The following ANKIB1 variants were observed in gnomAD, a reference collection of about 807,000 sequenced individuals.
ANKIB1 encodes ankyrin repeat and IBR domain containing 1, also known as ankyrin repeat and IBR domain-containing protein 1.
A neutral mutation model predicts 122.1 loss-of-function variants in ANKIB1; 43 were observed. The ratio of observed to expected loss-of-function variants is 0.35; its 90% CI spans 0.28 to 0.45. ANKIB1 has a LOEUF of 0.45. ANKIB1 is among the 20% of genes least tolerant of loss of function. The pLI, the probability that ANKIB1 is intolerant of heterozygous loss-of-function variation, is 1.00. For synonymous variants in ANKIB1, 390 were observed against 442.0 expected, an observed-to-expected ratio of 0.88 and a Z score of 1.48; for missense variants, 992 against 1,329.5, an observed-to-expected ratio of 0.75 and a Z score of 3.95.
intron 1 of ANKIB1, among the ~76,000 whole-genome samples, chr7:92,257,320 C>G (rs1157771551): frequency 1.3e-5 from 2 of 151,934 alleles, no homozygotes; most frequent in African/African-American, 4.8e-5. Context: ...CAGTGGGGGA[C>G]AAGATGTGCC....
chr7:92,256,183 T>C (rs990300924), intron 1 of ANKIB1, among the ~76,000 whole-genome samples: 2 of 152,166 alleles, frequency 1.3e-5, no homozygotes, highest in Non-Finnish European at 2.9e-5. Flanking sequence ...GACAACATTC[T>C]AGGAGCTTTA....
chr7:92,391,839 C>T (rs1463099903), intron 16 of ANKIB1, among the ~76,000 whole-genome samples: 1 of 152,074 alleles, frequency 6.6e-6, no homozygotes, highest in Non-Finnish European at 1.5e-5. Context: ...TTTTATTTTA[C>T]ATACTCATAC....
intron 3 of ANKIB1, among the ~76,000 whole-genome samples, chr7:92,317,234 C>T (rs997899037): frequency 6.6e-6 from 1 of 152,160 alleles, no homozygotes; most frequent in African/African-American, 2.4e-5. Flanking sequence ...GTACTTTAGG[C>T]TCATTGCTTC....
intron 8 of ANKIB1, 39 bp from the exon 9 acceptor site, chr7:92,352,437 A>T: frequency 6.2e-7 from 1 of 1,601,130 alleles, no homozygotes; most frequent in Non-Finnish European, 8.5e-7. Context: ...TTAGCATTAA[A>T]ATATTTTCTT....
chr7:92,275,746 A>G (rs1167332790), intron 1 of ANKIB1, among the ~76,000 whole-genome samples: 2 of 152,098 alleles, frequency 1.3e-5, no homozygotes, highest in African/African-American at 4.8e-5. Flanking sequence ...AGCCTAAAGG[A>G]ATAGACCTAA....
chr7:92,391,845 C>T (rs1000944013), intron 16 of ANKIB1, among the ~76,000 whole-genome samples: 1 of 152,044 alleles, frequency 6.6e-6, no homozygotes. Flanking sequence ...TTTACATACT[C>T]ATACTACTTC....
chr7:92,391,303 G>A lies in ANKIB1; in HGVS notation c.2190G>A (p.Arg730=). 1 of 1,613,272 alleles carries A rather than the reference G, an allele frequency of 6.2e-7. No homozygotes were observed. The highest frequency in any genetic ancestry group is 8.5e-7 in the Non-Finnish European group (1 of 1,179,538). Residue 730 remains arginine, a synonymous_variant, in exon 16 of 20, where the codon CGG becomes CGA. Coordinates refer to ENST00000265742, the MANE Select transcript of ANKIB1 (RefSeq NM_019004.2). ...AAGAATTCCTGGCATCTGTGGCTCG[G>A]GGAGTAGCTCCTGCAGACTCACCAG... ...KRQEFLASVA[R]GVAPADSPEA...
chr7:92,288,564 G>C (rs1056562901), intron 1 of ANKIB1, among the ~76,000 whole-genome samples: 2 of 152,176 alleles, frequency 1.3e-5, no homozygotes, highest in African/African-American at 4.8e-5. Flanking sequence ...ACTATTGGAT[G>C]TCTATATGCA....
At chr7:92,336,879 T>C (rs781667845) in intron 5 of ANKIB1, among the ~76,000 whole-genome samples, 2 of 152,194 alleles carry the variant, frequency 1.3e-5, no homozygotes, top group African/African-American at 2.4e-5. Flanking sequence ...GGTTTATATT[T>C]TGTCCAATAT....
At chr7:92,367,521 G>A (rs1451294384) in intron 10 of ANKIB1, among the ~76,000 whole-genome samples, 1 of 151,944 alleles carries the variant, frequency 6.6e-6, no homozygotes, top group African/African-American at 2.4e-5. Context: ...AAAAAAAAAT[G>A]GCATAAGCAT....
At chr7:92,398,144 A>T (rs779659973) in intron 19 of ANKIB1, 68 bp from the exon 20 acceptor site, 43 of 1,472,068 alleles carry the variant, frequency 2.9e-5, no homozygotes, top group Non-Finnish European at 3.6e-5. Context: ...AAGAATGGTA[A>T]ACCTGATTGA....
At chr7:92,377,594 A>G (rs954693093) in intron 11 of ANKIB1, among the ~76,000 whole-genome samples, 1 of 152,222 alleles carries the variant, frequency 6.6e-6, no homozygotes, top group Non-Finnish European at 1.5e-5. Context: ...CAAATCTGCA[A>G]TGCACAATAC....
At chr7:92,321,621 C>G (rs1347771205) in intron 4 of ANKIB1, among the ~76,000 whole-genome samples, 1 of 152,130 alleles carries the variant, frequency 6.6e-6, no homozygotes, top group East Asian at 1.9e-4. Context: ...GATTCTGATT[C>G]CTCAGTGTTT....
intron 1 of ANKIB1, among the ~76,000 whole-genome samples, chr7:92,259,145 G>C (rs1216138557): frequency 6.6e-6 from 1 of 152,090 alleles, no homozygotes; most frequent in Non-Finnish European, 1.5e-5. Context: ...TGGTGGAGAT[G>C]AGGTTTTGCC....
At chr7:92,387,370 C>T (rs1804679682) in intron 12 of ANKIB1, among the ~76,000 whole-genome samples, 1 of 152,130 alleles carries the variant, frequency 6.6e-6, no homozygotes, top group African/African-American at 2.4e-5. Flanking sequence ...CAATGTGGCT[C>T]ATGCTTTTAA....
Position 92,397,464 on chromosome 7 carries a change from C to G in ANKIB1, c.2396-259C>G, listed in dbSNP as rs1362020000. Among the ~76,000 whole-genome samples, 4 of 147,846 alleles carry G rather than the reference C, an allele frequency of 2.7e-5. No individual in the cohort carries two copies. The East Asian group carries it at 5.9e-4, about 22-fold the overall frequency. On this transcript the variant is annotated intron_variant, in intron 18 of 19. Transcript: ENST00000265742. Reference sequence around the variant, plus strand: ...TTGCGCCACTGCACTCCAGCTAGGTCGACAAAGCAAGACTCCATCTCAAAA... The same window carrying G: ...TTGCGCCACTGCACTCCAGCTAGGTGGACAAAGCAAGACTCCATCTCAAAA...
chr7:92,391,255 A>C lies in ANKIB1; in HGVS notation c.2142A>C (p.Ala714=). The C allele has an allele frequency of 6.2e-7, 1 of 1,613,580 alleles. No individual in the cohort carries two copies. The change falls in exon 16 of 20, where the codon GCA becomes GCC. Residue 714 remains alanine (A), a synonymous_variant. Transcript: ENST00000265742. ...CCCGCCACAAGATCATCAAAGCAGC[A>C]TGCCTTGTACAGCAGAAGAGGCAAG... The part of the protein sequence containing the change: ...RTPRHKIIKA[A]CLVQQKRQEF...
At chr7:92,388,379 A>G (rs1804712572) in intron 14 of ANKIB1, among the ~76,000 whole-genome samples, 1 of 152,246 alleles carries the variant, frequency 6.6e-6, no homozygotes, top group Admixed American at 6.5e-5. Context: ...TCAGAGGAGC[A>G]AGATACACGT....
intron 15 of ANKIB1, 52 bp from the exon 16 acceptor site, chr7:92,391,114 A>G: frequency 2.1e-6 from 3 of 1,445,720 alleles, no homozygotes; most frequent in Non-Finnish European, 1.8e-6. Context: ...TGGATTTGCT[A>G]TTGATTAACC....
Sources: gnomAD v4.1 joint callset for allele counts (sites outside exome capture counted in the v4.1 genomes callset) on GRCh38, gnomAD v4.1.1 for gene constraint, MANE v1.5 for transcripts, NCBI Gene and HGNC (gene_info 2026-07-23, HGNC 2026-07-21) for gene names.